IQCM: variants seen among roughly 807,000 people sequenced by gnomAD.
IQCM encodes IQ motif containing M, also known as IQ domain-containing protein M.
Under a neutral mutation model 57.6 loss-of-function variants are expected in IQCM, and 45 were observed. The observed-to-expected ratio is 0.78, with a 90% CI of 0.62 to 1.00. The LOEUF is 1.00. Ranked by LOEUF, IQCM falls within the 50% of genes least tolerant of loss-of-function variation. The pLI is 0.00. For synonymous variants in IQCM, 148 were observed against 158.9 expected (o/e 0.93, Z 0.51); for missense variants, 468 against 511.6 (o/e 0.91, Z 0.82).
At chr4:149,485,875 A>G (rs1372745851) in intron 12 of IQCM, among the ~76,000 whole-genome samples, 1 of 152,160 alleles carries the variant, frequency 6.6e-6, no homozygotes, top group East Asian at 1.9e-4. Flanking sequence ...AGAGACTTGG[A>G]CAATTAGCCC....
At chr4:149,642,500 A>G (rs1365193658) in intron 7 of IQCM, among the ~76,000 whole-genome samples, 1 of 152,156 alleles carries the variant, frequency 6.6e-6, no homozygotes, top group Non-Finnish European at 1.5e-5. Context: ...AATGACAAAA[A>G]GTATTTTCCT....
At chr4:149,497,375 T>C (rs1742766361) in intron 12 of IQCM, among the ~76,000 whole-genome samples, 1 of 152,088 alleles carries the variant, frequency 6.6e-6, no homozygotes, top group African/African-American at 2.4e-5. Flanking sequence ...CAGTCCATTT[T>C]CACACTGCTG....
At chr4:149,755,396 T>C (rs1307770282) in intron 2 of IQCM, among the ~76,000 whole-genome samples, 1 of 152,044 alleles carries the variant, frequency 6.6e-6, no homozygotes, top group East Asian at 1.9e-4. Flanking sequence ...CCTCAATCCC[T>C]CTCCTGGAGC....
At chr4:149,433,269 G>T in intron 13 of IQCM, 127 bp downstream of exon 13, 1 of 455,260 alleles carries the variant, frequency 2.2e-6, no homozygotes, top group Non-Finnish European at 3.5e-6. Flanking sequence ...TATCTAAGAA[G>T]TAAAGAGAAC....
chr4:149,808,379 A>G (rs1047771621), intron 2 of IQCM, among the ~76,000 whole-genome samples: 6 of 152,162 alleles, frequency 3.9e-5, no homozygotes, highest in Non-Finnish European at 8.8e-5. Flanking sequence ...GAGATAGAGA[A>G]TAGAATAGTG....
chr4:149,733,427 T>G lies in IQCM; in HGVS notation c.202A>C (p.Ile68Leu). ...ACATCACGTGTTACCTTTTTGTCAA[T>G]CTCCAAAGGTATGTATTTGCCAGAT... ...PKSGKYIPLE[I>L]DKKVTRDVVQ... The change falls in exon 5 of 14, where the codon ATT becomes CTT. Residue 68 changes from isoleucine to leucine, a missense_variant. Transcript: ENST00000636793. The G allele has an allele frequency of 8.1e-7, 1 of 1,231,848 alleles. No homozygotes were observed. Among genetic ancestry groups the G allele is most frequent in the Non-Finnish European group, 1.0e-6 (1 of 987,744 alleles). 76.3% of individuals were successfully genotyped at this position (1,231,848 alleles called of 1,614,324 possible). A position where few individuals can be genotyped will look rare whatever the true frequency, so the allele number is the denominator to read the frequency against.
chr4:149,468,243 C>A (rs1480061602), intron 12 of IQCM, among the ~76,000 whole-genome samples: 4 of 152,170 alleles, frequency 2.6e-5, no homozygotes, highest in Non-Finnish European at 4.4e-5. Context: ...AAGCCATGAC[C>A]AACAGTACCT....
intron 2 of IQCM, among the ~76,000 whole-genome samples, chr4:149,754,510 C>T (rs1195740453): frequency 6.6e-6 from 1 of 152,208 alleles, no homozygotes; most frequent in Non-Finnish European, 1.5e-5. Flanking sequence ...TCGCCAATAA[C>T]TTTCATGCTG....
intron 2 of IQCM, among the ~76,000 whole-genome samples, chr4:149,774,606 T>C (rs1269132278): frequency 2.0e-5 from 3 of 152,042 alleles, no homozygotes; most frequent in Non-Finnish European, 2.9e-5. Context: ...AAATCAGACA[T>C]GGCCTCCTCC....
chr4:149,521,551 G>A (rs1745647993), intron 12 of IQCM, among the ~76,000 whole-genome samples: 1 of 152,192 alleles, frequency 6.6e-6, no homozygotes, highest in Admixed American at 6.5e-5. Context: ...ATGTCAAAAT[G>A]TAATCCAGAT....
At chr4:149,804,067 C>G (rs1442363190) in intron 2 of IQCM, among the ~76,000 whole-genome samples, 1 of 151,836 alleles carries the variant, frequency 6.6e-6, no homozygotes, top group Non-Finnish European at 1.5e-5. Flanking sequence ...CTATAGGAGG[C>G]TGGAGTTGAG....
intron 13 of IQCM, among the ~76,000 whole-genome samples, chr4:149,360,757 T>C (rs985742532): frequency 1.4e-4 from 21 of 152,186 alleles, no homozygotes; most frequent in Admixed American, 9.2e-4. Context: ...ATTAAACCTC[T>C]TTTTCTTCCT....
At chr4:149,784,279 C>T (rs1771878319) in intron 2 of IQCM, among the ~76,000 whole-genome samples, 1 of 152,120 alleles carries the variant, frequency 6.6e-6, no homozygotes, top group African/African-American at 2.4e-5. Context: ...TATGTTGCTC[C>T]TCAAATATGA....
chr4:149,492,389 C>T (rs1742187048), intron 12 of IQCM, among the ~76,000 whole-genome samples: 1 of 151,832 alleles, frequency 6.6e-6, no homozygotes, highest in Non-Finnish European at 1.5e-5. Context: ...TGAATGTTCA[C>T]CTTCATTACT....
Position 149,804,052 on chromosome 4 carries a change from G to A in IQCM, c.-49+11259C>T, listed in dbSNP as rs1773856962. 3.3e-5 allele frequency among the ~76,000 whole-genome samples: 5 copies of A among 151,982 alleles called. No homozygotes were observed. In the South Asian group the frequency reaches 1.0e-3, roughly 32 times the overall value. On this transcript the variant is annotated intron_variant, in intron 2 of 13. Transcript: ENST00000636793. ...ACTAGATATTTTCCTTCCCCACATG[G>A]AAGGCTATAGGAGGCTGGAGTTGAG...
intron 7 of IQCM, among the ~76,000 whole-genome samples, chr4:149,661,858 G>A (rs184342191): frequency 2.0e-5 from 3 of 151,952 alleles, no homozygotes; most frequent in Non-Finnish European, 4.4e-5. Flanking sequence ...TCTGGCTAAT[G>A]ATTTGTCAAT....
chr4:149,777,188 G>A (rs1375751717), intron 2 of IQCM, among the ~76,000 whole-genome samples: 1 of 152,174 alleles, frequency 6.6e-6, no homozygotes, highest in Non-Finnish European at 1.5e-5. Context: ...GAGACTGTCT[G>A]AAATTCTGCA....
rs1454605252 is a variant in IQCM, at chr4:149,548,494, G to C, written c.1189C>G (p.Gln397Glu). 8.1e-7 allele frequency: 1 copy of C among 1,231,914 alleles called. No homozygotes were observed. The highest frequency in any genetic ancestry group is 1.5e-5 in the African/African-American group (1 of 64,528). 76.3% of individuals were successfully genotyped at this position (1,231,914 alleles called of 1,614,324 possible). Residue 397 changes from glutamine to glutamate, a missense_variant, in exon 12 of 14, where the codon CAG (glutamine) becomes GAG (glutamate). Coordinates refer to ENST00000636793, the MANE Select transcript of IQCM (RefSeq NM_001363507.2). ...TCCCAAGTATCATCAACTTGTTTCT[G>C]AGTTGGGAAATGACCACAGTCACTG... is the stretch of plus-strand genomic sequence containing the variant. ...FFSDCGHFPTQKQVDDTWDLV... is the reference protein window; with the variant it reads ...FFSDCGHFPTEKQVDDTWDLV...
At chr4:149,751,106 T>G (rs1481316311) in intron 2 of IQCM, among the ~76,000 whole-genome samples, 10 of 152,194 alleles carry the variant, frequency 6.6e-5, no homozygotes, top group Admixed American at 6.5e-4. Context: ...TCTTGGGAGT[T>G]GATTTGTTTA....
Sources: gnomAD v4.1 joint callset for allele counts (sites outside exome capture counted in the v4.1 genomes callset) on GRCh38, gnomAD v4.1.1 for gene constraint, MANE v1.5 for transcripts, NCBI Gene and HGNC (gene_info 2026-07-23, HGNC 2026-07-21) for gene names.